The following NEMP2 variants were observed in gnomAD, a reference collection of about 807,000 sequenced individuals.
NEMP2 encodes the protein nuclear envelope integral membrane protein 2.
A neutral mutation model predicts 54.2 loss-of-function variants in NEMP2; 53 were observed. The ratio of observed to expected loss-of-function variants is 0.98; its 90% CI spans 0.78 to 1.23. The LOEUF is 1.23. NEMP2 is among the 50% of genes most tolerant of loss of function. The pLI, the probability that NEMP2 is intolerant of heterozygous loss-of-function variation, is 0.00. For synonymous variants in NEMP2, 197 were observed against 190.3 expected (o/e 1.04, Z -0.29); for missense variants, 455 against 511.3 (o/e 0.89, Z 1.06).
the NEMP2 span, among the ~76,000 whole-genome samples, chr2:190,481,301 TA>T: frequency 2.0e-5 from 3 of 152,366 alleles, no homozygotes; most frequent in East Asian, 1.9e-4. Context: ...GCAACTCATA[TA>T]TTTTTTTAAG....
At chr2:190,463,987 A>C in the NEMP2 span, 1 of 747,376 alleles carries the variant, frequency 1.3e-6, no homozygotes, top group Non-Finnish European at 1.6e-6. This position sits in a 1 kb window ranked among gnomAD's most constrained non-coding sequence, Gnocchi z 4.4. Context: ...AGCTCTTTTC[A>C]TTAGGAAATC....
At chr2:190,575,010 A>G in the NEMP2 span, among the ~76,000 whole-genome samples, 1 of 151,850 alleles carries the variant, frequency 6.6e-6, no homozygotes, top group Non-Finnish European at 1.5e-5. Context: ...GCCCACCACC[A>G]TGCCCGGCTA....
chr2:190,501,167 A>G (rs200931500), downstream of NEMP2: 12 of 152,346 alleles, frequency 7.9e-5, no homozygotes, highest in East Asian at 1.5e-3. Context: ...AAATCACAGT[A>G]TAAGATTTAA....
At chr2:190,603,945 C>G in the NEMP2 span, among the ~76,000 whole-genome samples, 1 of 152,142 alleles carries the variant, frequency 6.6e-6, no homozygotes, top group Non-Finnish European at 1.5e-5. Context: ...TCTCCTCTAC[C>G]ATTTTCATTC....
the NEMP2 span, among the ~76,000 whole-genome samples, chr2:190,565,358 A>G: frequency 2.0e-5 from 3 of 152,160 alleles, no homozygotes; most frequent in Non-Finnish European, 4.4e-5. Context: ...CCCTAGGCCA[A>G]TGTTTCTAAA....
the NEMP2 span, among the ~76,000 whole-genome samples, chr2:190,480,926 T>A: frequency 6.6e-6 from 1 of 152,192 alleles, no homozygotes; most frequent in African/African-American, 2.4e-5. Flanking sequence ...ATTTAAAAGA[T>A]CCTATTCTAA....
the NEMP2 span, chr2:190,629,905 T>C: frequency 1.3e-5 from 2 of 152,226 alleles, no homozygotes; most frequent in Admixed American, 1.3e-4. Flanking sequence ...TTCAAAGAAC[T>C]GTAACAGGAA....
chr2:190,534,510 C>A, intron 1 of NEMP2, 49 bp downstream of exon 1: 1 of 1,355,216 alleles, frequency 7.4e-7, no homozygotes, highest in Non-Finnish European at 9.4e-7. Context: ...GCCGCGAAGC[C>A]GGGGAGCGAG....
At chr2:190,476,843 G>A in the NEMP2 span, among the ~76,000 whole-genome samples, 1 of 152,046 alleles carries the variant, frequency 6.6e-6, no homozygotes, top group Non-Finnish European at 1.5e-5. Flanking sequence ...AGAAAATGTG[G>A]CACATATACA....
In NEMP2 at chr2:190,509,064, CTTGT is replaced by C; in HGVS notation, c.*121_*124del. 7.1e-7 allele frequency: 1 copy of C among 1,408,364 alleles called. No individual in the cohort carries two copies. The highest frequency in any genetic ancestry group is 9.4e-7 in the Non-Finnish European group (1 of 1,062,848). 87.2% of individuals were successfully genotyped at this position (1,408,364 alleles called of 1,614,324 possible). ...GGGTTGGTTTCCCTTTCCAGACTGA[CTTGT>C]TTTTCTCCACAGCAAATGTTTTTGC... On this transcript the variant is annotated 3_prime_UTR_variant, in exon 9 of 9. Coordinates refer to ENST00000409150, the MANE Select transcript of NEMP2 (RefSeq NM_001142645.2). This position sits in a 1 kb window ranked among gnomAD's most constrained non-coding sequence, Gnocchi z 6.1.
the NEMP2 span, among the ~76,000 whole-genome samples, chr2:190,563,826 A>C: frequency 1.3e-5 from 2 of 152,198 alleles, no homozygotes; most frequent in East Asian, 3.9e-4. The surrounding 1 kb of genome is among the most constrained non-coding windows in gnomAD (Gnocchi z 4.3). Context: ...GCAATTCCAG[A>C]GCCAATACCA....
the NEMP2 span, among the ~76,000 whole-genome samples, chr2:190,584,898 T>TGAAAGAAAGAAAGAAAGAAA: frequency 3.3e-5 from 4 of 120,032 alleles, no homozygotes; most frequent in Non-Finnish European, 5.0e-5. The surrounding 1 kb of genome is among the most constrained non-coding windows in gnomAD (Gnocchi z 4.2). Context: ...AAAACAACAA[T>TGAAAGAAAGAAAGAAAGAAA]GAAAGAAAGA....
In NEMP2 at chr2:190,508,947, G is replaced by A; in HGVS notation, c.*242C>T. 2.0e-6 allele frequency: 1 copy of A among 499,072 alleles called. No individual in the cohort carries two copies. Among genetic ancestry groups the A allele is most frequent in the Non-Finnish European group, 3.5e-6 (1 of 282,492 alleles). The allele number at this position is 499,072 out of a possible 1,614,324, so 30.9% of individuals were successfully genotyped here. A position where few individuals can be genotyped will look rare whatever the true frequency, so the allele number is the denominator to read the frequency against. On this transcript the variant is annotated 3_prime_UTR_variant, in exon 9 of 9. Coordinates refer to ENST00000409150, the MANE Select transcript of NEMP2 (RefSeq NM_001142645.2). The surrounding 1 kb of genome is among the most constrained non-coding windows in gnomAD (Gnocchi z 4.3). ...TTCCTAATGAAAGCCTTCATTCAAG[G>A]TAAGTGGTAGTGGCTGTCACAGAAT...
chr2:190,631,750 C>T, the NEMP2 span, among the ~76,000 whole-genome samples: 7 of 152,078 alleles, frequency 4.6e-5, no homozygotes, highest in South Asian at 4.1e-4. Context: ...ATAGACTTTC[C>T]CCAAATTGTC....
the NEMP2 span, among the ~76,000 whole-genome samples, chr2:190,568,796 T>C: frequency 6.6e-6 from 1 of 152,136 alleles, no homozygotes; most frequent in Non-Finnish European, 1.5e-5. This position sits in a 1 kb window ranked among gnomAD's most constrained non-coding sequence, Gnocchi z 4.7. Context: ...CACTCCAACC[T>C]GAGCAACAAG....
chr2:190,590,823 C>T, the NEMP2 span, among the ~76,000 whole-genome samples: 1 of 152,144 alleles, frequency 6.6e-6, no homozygotes, highest in South Asian at 2.1e-4. The surrounding 1 kb of genome is among the most constrained non-coding windows in gnomAD (Gnocchi z 5.1). Context: ...ATTCTTATTT[C>T]CTTATTTCTT....
At chr2:190,477,117 A>G in the NEMP2 span, 1 of 251,376 alleles carries the variant, frequency 4.0e-6, no homozygotes, top group Non-Finnish European at 6.3e-6. Flanking sequence ...TGACGAGTTA[A>G]TGGGTGCAGC....
chr2:190,597,342 A>G, the NEMP2 span, among the ~76,000 whole-genome samples: 38 of 151,038 alleles, frequency 2.5e-4, no homozygotes, highest in Non-Finnish European at 4.7e-4. This position sits in a 1 kb window ranked among gnomAD's most constrained non-coding sequence, Gnocchi z 4.7. Context: ...TAAAGGGGAG[A>G]AAAAAAAAGC....
the NEMP2 span, among the ~76,000 whole-genome samples, chr2:190,556,476 C>T: frequency 2.6e-5 from 4 of 152,108 alleles, no homozygotes; most frequent in Non-Finnish European, 5.9e-5. Context: ...AAGTTCTGGC[C>T]AGGGCAATCA....
Sources: gnomAD v4.1 joint callset for allele counts (sites outside exome capture counted in the v4.1 genomes callset) on GRCh38, gnomAD v4.1.1 for gene constraint, Gnocchi (gnomAD v3.1) non-coding constraint, MANE v1.5 for transcripts, NCBI Gene and HGNC (gene_info 2026-07-23, HGNC 2026-07-21) for gene names.